CHRM3: variants seen among roughly 807,000 people sequenced by gnomAD.
CHRM3 encodes cholinergic receptor muscarinic 3.
In CHRM3, 11 loss-of-function variants were observed where a neutral mutation model predicts 41.8. That is an observed-to-expected ratio of 0.26 (90% CI 0.17 to 0.44). The LOEUF (loss-of-function observed/expected upper bound fraction) is 0.44, where lower values mean the gene tolerates loss of function less well. CHRM3 is among the 20% of genes least tolerant of loss of function. CHRM3 has a pLI of 1.00. For missense variants in CHRM3, 571 were observed against 745.4 expected, an observed-to-expected ratio of 0.77 and a Z score of 2.72; for synonymous variants, 297 against 301.4, an observed-to-expected ratio of 0.99 and a Z score of 0.15.
At chr1:239,687,481 A>G (rs1659258030) in intron 5 of CHRM3, among the ~76,000 whole-genome samples, 1 of 152,184 alleles carries the variant, frequency 6.6e-6, no homozygotes, top group Admixed American at 6.5e-5. Flanking sequence ...AACTTACTGC[A>G]TAGTTAATTC....
chr1:239,908,989 T>A lies in CHRM3; in HGVS notation c.1538T>A (p.Val513Glu). Reference protein sequence around the residue: ...TWTPYNIMVLVNTFCDSCIPK... With the variant: ...TWTPYNIMVLENTFCDSCIPK... ...ACCCCATACAACATCATGGTTCTGGTGAACACCTTTTGTGACAGCTGCATA... is the reference window on the plus strand; with the variant it reads ...ACCCCATACAACATCATGGTTCTGGAGAACACCTTTTGTGACAGCTGCATA... Residue 513 changes from valine (V) to glutamate (E), a missense_variant, in exon 7 of 7, where the codon GTG becomes GAG. By Grantham distance (121) the Val-to-Glu change is moderately radical. Coordinates refer to ENST00000676153, the MANE Select transcript of CHRM3 (RefSeq NM_001375978.1). The surrounding 1 kb of genome is among the most constrained non-coding windows in gnomAD (Gnocchi z 7.2). 6.2e-7 allele frequency: 1 copy of A among 1,614,166 alleles called. No homozygotes were observed. The highest frequency in any genetic ancestry group is 8.5e-7 in the Non-Finnish European group (1 of 1,180,038).
At chr1:239,875,702 C>G (rs980380872) in intron 6 of CHRM3, among the ~76,000 whole-genome samples, 3 of 152,038 alleles carry the variant, frequency 2.0e-5, no homozygotes, top group African/African-American at 7.2e-5. Flanking sequence ...TTCATTTTGC[C>G]CCACATTGTT....
chr1:239,844,300 T>TA (rs971516515), intron 6 of CHRM3, among the ~76,000 whole-genome samples: 31 of 152,290 alleles, frequency 2.0e-4, no homozygotes, highest in African/African-American at 7.5e-4. Context: ...TATGTGAATG[T>TA]AAAAAATCAA....
intron 5 of CHRM3, among the ~76,000 whole-genome samples, chr1:239,759,257 AT>A (rs1193276753): frequency 6.9e-6 from 1 of 144,072 alleles, no homozygotes; most frequent in Non-Finnish European, 1.5e-5. Flanking sequence ...ATATTTGAAT[AT>A]ATATGTATAT....
At chr1:239,834,773 T>C (rs746293345) in intron 6 of CHRM3, among the ~76,000 whole-genome samples, 3 of 152,076 alleles carry the variant, frequency 2.0e-5, no homozygotes, top group Non-Finnish European at 4.4e-5. Context: ...ACCAACTAGG[T>C]TGAAAATTGT....
intron 5 of CHRM3, among the ~76,000 whole-genome samples, chr1:239,679,897 C>G (rs114736915): frequency 6.6e-6 from 1 of 152,020 alleles, no homozygotes; most frequent in African/African-American, 2.4e-5. Flanking sequence ...CTTCACAGTC[C>G]GCTCTGAGCC....
chr1:239,554,544 A>G (rs750834691), intron 3 of CHRM3, among the ~76,000 whole-genome samples: 14 of 152,044 alleles, frequency 9.2e-5, no homozygotes, highest in Non-Finnish European at 1.2e-4. Flanking sequence ...AAAGTAATAA[A>G]TTTATTTTAA....
At chr1:239,683,597 G>A (rs1030566263) in intron 5 of CHRM3, among the ~76,000 whole-genome samples, 4 of 151,814 alleles carry the variant, frequency 2.6e-5, no homozygotes, top group South Asian at 2.1e-4. Flanking sequence ...ATTCCTAATC[G>A]AGGCCTCTTA....
chr1:239,881,582 G>A (rs758068193), intron 6 of CHRM3, among the ~76,000 whole-genome samples: 5 of 152,158 alleles, frequency 3.3e-5, no homozygotes, highest in South Asian at 2.1e-4. Context: ...AAAAACATCC[G>A]AATCTCCAGA....
At chr1:239,692,487 A>G (rs1381216522) in intron 5 of CHRM3, among the ~76,000 whole-genome samples, 8 of 152,214 alleles carry the variant, frequency 5.3e-5, no homozygotes, top group Non-Finnish European at 1.2e-4. Flanking sequence ...CAAAAATAAC[A>G]TGAAAGGACC....
At chr1:239,839,695 A>G (rs749251374) in intron 6 of CHRM3, among the ~76,000 whole-genome samples, 1 of 151,914 alleles carries the variant, frequency 6.6e-6, no homozygotes, top group Non-Finnish European at 1.5e-5. Context: ...CCACTTATTC[A>G]TATTCCCCCT....
intron 1 of CHRM3, among the ~76,000 whole-genome samples, chr1:239,446,672 G>GA (rs1664176367): frequency 6.6e-6 from 1 of 152,132 alleles, no homozygotes; most frequent in Non-Finnish European, 1.5e-5. Flanking sequence ...GCAATCTGTT[G>GA]AAAAAACAAC....
chr1:239,415,998 G>A (rs936330216), intron 1 of CHRM3, among the ~76,000 whole-genome samples: 1 of 152,186 alleles, frequency 6.6e-6, no homozygotes, highest in Non-Finnish European at 1.5e-5. Context: ...GTAGCAGGAC[G>A]CTGCTATGGG....
At chr1:239,701,972 C>T (rs1029633684) in intron 5 of CHRM3, among the ~76,000 whole-genome samples, 2 of 152,174 alleles carry the variant, frequency 1.3e-5, no homozygotes, top group South Asian at 4.1e-4. Flanking sequence ...AAGTCAACTC[C>T]TAATGTCTAG....
At chr1:239,474,461 G>A (rs1424641830) in intron 1 of CHRM3, among the ~76,000 whole-genome samples, 1 of 152,024 alleles carries the variant, frequency 6.6e-6, no homozygotes, top group Non-Finnish European at 1.5e-5. Context: ...TATTGGTGTA[G>A]ATGCGGGTAT....
At chr1:239,492,946 A>G (rs1667649127) in intron 2 of CHRM3, 139 bp downstream of exon 2, 1 of 152,206 alleles carries the variant, frequency 6.6e-6, no homozygotes, top group Non-Finnish European at 1.5e-5. Context: ...CTAACACTTC[A>G]ATATTATACT....
chr1:239,887,484 A>T (rs958777750), intron 6 of CHRM3, among the ~76,000 whole-genome samples: 1 of 152,276 alleles, frequency 6.6e-6, no homozygotes, highest in South Asian at 2.1e-4. Flanking sequence ...CAGCCTCCCA[A>T]AGTGCTGGGA....
intron 5 of CHRM3, among the ~76,000 whole-genome samples, chr1:239,787,865 CAT>C (rs1238046036): frequency 1.3e-5 from 2 of 152,118 alleles, no homozygotes; most frequent in African/African-American, 2.4e-5. Context: ...AAAAAGATTA[CAT>C]ATATATTTAA....
chr1:239,477,794 G>A (rs903283107), intron 1 of CHRM3, among the ~76,000 whole-genome samples: 1 of 152,206 alleles, frequency 6.6e-6, no homozygotes, highest in Non-Finnish European at 1.5e-5. Context: ...TGAGTGCAAA[G>A]CAGAAGAGTC....
Sources: gnomAD v4.1 joint callset for allele counts (sites outside exome capture counted in the v4.1 genomes callset) on GRCh38, gnomAD v4.1.1 for gene constraint, Gnocchi (gnomAD v3.1) non-coding constraint, MANE v1.5 for transcripts, NCBI Gene and HGNC (gene_info 2026-07-23, HGNC 2026-07-21) for gene names.